The following DAB1 variants were observed in gnomAD, a reference collection of about 807,000 sequenced individuals.
DAB1 encodes disabled homolog 1.
Under a neutral mutation model 64.6 loss-of-function variants are expected in DAB1, and 15 were observed. The ratio of observed to expected loss-of-function variants is 0.23; its 90% CI spans 0.16 to 0.36. The LOEUF (loss-of-function observed/expected upper bound fraction) is 0.36. Ranked by LOEUF, DAB1 falls within the 10% of genes least tolerant of loss-of-function variation. The pLI is 1.00. For synonymous variants in DAB1, 235 were observed against 251.9 expected (o/e 0.93, Z 0.64); for missense variants, 596 against 706.7 (o/e 0.84, Z 1.78).
chr1:57,008,855 C>T (rs1382472888), intron 14 of DAB1, among the ~76,000 whole-genome samples: 1 of 152,186 alleles, frequency 6.6e-6, no homozygotes, highest in African/African-American at 2.4e-5. Flanking sequence ...AGATTTCCCA[C>T]TATTAAGTAG....
In DAB1 at chr1:57,837,725, T is replaced by C. The variant is rs983339871; in HGVS notation, n.88-11270A>G. On this transcript the variant is annotated intron_variant and non_coding_transcript_variant, in intron 1 of 1. Transcript: ENST00000477280. ...ACACACATGCTTGATTCATCTTTCT[T>C]GCATTTAATACTTGAGCAGTCTTAT... Among the ~76,000 whole-genome samples, 14 of 152,220 alleles carry C rather than the reference T, an allele frequency of 9.2e-5. No individual in the cohort carries two copies. In the East Asian group the frequency reaches 9.7e-4, roughly 10 times the overall value.
chr1:57,944,232 T>C (rs2180351), intron 5 of DAB1, among the ~76,000 whole-genome samples: 62,718 of 151,878 alleles, frequency 0.41, 13,906 homozygotes, highest in Admixed American at 0.51. Context: ...ACCTGTCCTG[T>C]TTGGTGGCCT....
At chr1:57,179,275 G>T (rs1662658523) in intron 2 of DAB1, among the ~76,000 whole-genome samples, 1 of 152,134 alleles carries the variant, frequency 6.6e-6, no homozygotes, top group African/African-American at 2.4e-5. Flanking sequence ...ATGAGATTCT[G>T]GCACAGCAGC....
chr1:57,431,160 AAAAC>A (rs1279260114), intron 7 of DAB1, among the ~76,000 whole-genome samples: 8 of 148,864 alleles, frequency 5.4e-5, no homozygotes, highest in African/African-American at 2.1e-4. Flanking sequence ...AAAAAAAAGA[AAAAC>A]AAAAAAAAAG....
intron 10 of DAB1, among the ~76,000 whole-genome samples, chr1:57,024,388 A>G (rs190452598): frequency 5.3e-4 from 81 of 152,272 alleles, no homozygotes; most frequent in African/African-American, 1.9e-3. Flanking sequence ...ATAATTTTGT[A>G]TATGTCCACA....
At chr1:57,536,994 G>A (rs1644737983) in intron 7 of DAB1, among the ~76,000 whole-genome samples, 1 of 152,096 alleles carries the variant, frequency 6.6e-6, no homozygotes, top group Non-Finnish European at 1.5e-5. Context: ...GGAGTTCTAA[G>A]TATCAAATTC....
At chr1:58,470,110 C>A (rs1171423785) in intron 3 of DAB1, among the ~76,000 whole-genome samples, 1 of 149,844 alleles carries the variant, frequency 6.7e-6, no homozygotes, top group African/African-American at 2.4e-5. Context: ...AAAGCTGGGA[C>A]TTTCTCTTTA....
intron 2 of DAB1, among the ~76,000 whole-genome samples, chr1:57,228,603 C>A (rs187355930): frequency 1.3e-5 from 2 of 151,926 alleles, no homozygotes; most frequent in Admixed American, 1.3e-4. Flanking sequence ...TTACATGGAG[C>A]GTAGGAAACA....
In DAB1 at chr1:57,567,008, G is replaced by A. The variant is rs1345576501; in HGVS notation, n.625+82584C>T. 1.4e-4 allele frequency among the ~76,000 whole-genome samples: 22 copies of A among 152,196 alleles called. No individual in the cohort carries two copies. In the South Asian group the frequency reaches 3.7e-3, roughly 26 times the overall value. On this transcript the variant is annotated intron_variant and non_coding_transcript_variant, in intron 7 of 20. Transcript: ENST00000485760. ...TTTTAGACCAATGTCCCTGATGAAC[G>A]TCAATGCAAAAATCCTCAATAAAAT...
intron 14 of DAB1, among the ~76,000 whole-genome samples, chr1:56,998,541 C>T (rs1033501822): frequency 5.3e-5 from 8 of 152,186 alleles, no homozygotes; most frequent in African/African-American, 1.9e-4. Context: ...ACAATGCTTG[C>T]TAGCAATACA....
intron 4 of DAB1, among the ~76,000 whole-genome samples, chr1:58,186,288 C>T (rs1481874301): frequency 6.6e-6 from 1 of 152,132 alleles, no homozygotes; most frequent in Non-Finnish European, 1.5e-5. Context: ...GCTTTTCCTG[C>T]CCATAGTGTT....
At chr1:57,563,949 C>T (rs753463209) in intron 7 of DAB1, among the ~76,000 whole-genome samples, 1 of 152,056 alleles carries the variant, frequency 6.6e-6, no homozygotes, top group Non-Finnish European at 1.5e-5. Context: ...AGTGGTTCTC[C>T]CAGCAAGGAG....
At chr1:57,978,234 C>A (rs182846579) in intron 5 of DAB1, among the ~76,000 whole-genome samples, 5 of 152,242 alleles carry the variant, frequency 3.3e-5, no homozygotes, top group Admixed American at 2.6e-4. Context: ...ACCAGTGGAA[C>A]AGAACAGAGG....
At chr1:57,851,938 C>G (rs1374453975) in intron 1 of DAB1, among the ~76,000 whole-genome samples, 2 of 152,186 alleles carry the variant, frequency 1.3e-5, no homozygotes, top group Admixed American at 1.3e-4. Flanking sequence ...AATTGCCTCT[C>G]CCCACCTCTT....
intron 3 of DAB1, among the ~76,000 whole-genome samples, chr1:58,357,300 C>T (rs142604023): frequency 1.3e-4 from 20 of 152,180 alleles, no homozygotes; most frequent in African/African-American, 4.6e-4. Flanking sequence ...ATGCACCAAA[C>T]TGGCTGATAA....
intron 7 of DAB1, among the ~76,000 whole-genome samples, chr1:57,581,762 A>G (rs1366712616): frequency 6.7e-6 from 1 of 150,272 alleles, no homozygotes; most frequent in Non-Finnish European, 1.5e-5. Flanking sequence ...ATTATTATGT[A>G]TTTTCAGGTT....
chr1:57,109,912 A>G (rs1267065711), intron 4 of DAB1, among the ~76,000 whole-genome samples: 1 of 152,214 alleles, frequency 6.6e-6, no homozygotes, highest in African/African-American at 2.4e-5. Flanking sequence ...CCTTTAAATC[A>G]TGGCTAGATC....
At chr1:57,052,760 T>C (rs748820877) in intron 9 of DAB1, among the ~76,000 whole-genome samples, 3 of 152,178 alleles carry the variant, frequency 2.0e-5, no homozygotes, top group Non-Finnish European at 2.9e-5. Flanking sequence ...CTTCACGATA[T>C]AGGAATACCT....
At chr1:57,308,340 C>G (rs921644461) in intron 1 of DAB1, among the ~76,000 whole-genome samples, 2 of 152,084 alleles carry the variant, frequency 1.3e-5, no homozygotes, top group Non-Finnish European at 2.9e-5. Context: ...GATATATGAT[C>G]AGAAGAAGCA....
Sources: gnomAD v4.1 joint callset for allele counts (sites outside exome capture counted in the v4.1 genomes callset) on GRCh38, gnomAD v4.1.1 for gene constraint, MANE v1.5 for transcripts, NCBI Gene and HGNC (gene_info 2026-07-23, HGNC 2026-07-21) for gene names.